Variants in DUS3L observed in about 807,000 individuals in gnomAD.
The protein encoded by DUS3L is tRNA-dihydrouridine(47) synthase [NAD(P)(+)]-like.
In DUS3L, 62 loss-of-function variants were observed where a neutral mutation model predicts 74.6. The ratio of observed to expected loss-of-function variants is 0.83; its 90% CI spans 0.68 to 1.03. The LOEUF is 1.03. Ranked by LOEUF, DUS3L falls within the 50% of genes least tolerant of loss-of-function variation. The probability of loss-of-function intolerance (pLI) is 0.00; values close to 1 mark genes in which losing one functional copy is unlikely to be tolerated. For missense variants in DUS3L, 884 were observed against 924.4 expected (o/e 0.96, Z 0.57); for synonymous variants, 433 against 395.7 (o/e 1.09, Z -1.12).
Position 5,790,472 on chromosome 19 carries a change from G to A in DUS3L, c.99-137C>T, listed in dbSNP as rs2056899234. 3.8e-6 allele frequency: 4 copies of A among 1,056,658 alleles called. No homozygotes were observed. In the Admixed American group the frequency reaches 1.0e-4, roughly 27 times the overall value. The allele number at this position is 1,056,658 out of a possible 1,614,324, so 65.5% of individuals were successfully genotyped here. On this transcript the variant is annotated intron_variant, in intron 1 of 12. Coordinates refer to ENST00000309061, the MANE Select transcript of DUS3L (RefSeq NM_020175.3). The stretch of plus-strand genomic sequence containing the variant: ...CTACTTAAGAACCAGCCAGCTCCCA[G>A]CCTGGGAGCCCCTCACGGCCTCAAA...
intron 1 of DUS3L, chr19:5,790,831 GCACGTGGTGTC>G: frequency 1.7e-6 from 1 of 604,898 alleles, no homozygotes; most frequent in Non-Finnish European, 2.9e-6. Context: ...GCCCTAGCAT[GCACGTGGTGTC>G]CTTCGCGCAT....
chr19:5,787,740 G>T, intron 5 of DUS3L, 35 bp from the exon 6 acceptor site: 1 of 1,603,430 alleles, frequency 6.2e-7, no homozygotes, highest in Non-Finnish European at 8.5e-7. Flanking sequence ...GGAGGGTGAG[G>T]GGAGAGTCCG....
Position 5,790,209 on chromosome 19 carries a change from G to C in DUS3L, c.225C>G (p.Ile75Met), listed in dbSNP as rs542377165. The stretch of plus-strand genomic sequence containing the variant: ...CCGCCGTCTGTCCATCCTCCAGTCG[G>C]ATCCGCTTAGCCTCAGGCTCAGCCA... ...NELAEPEAKR[I>M]RLEDGQTADG... Residue 75 changes from isoleucine to methionine, a missense_variant, in exon 2 of 13, where the codon ATC (isoleucine) becomes ATG (methionine). Transcript: ENST00000309061. 1 of 1,614,108 alleles carries C rather than the reference G, an allele frequency of 6.2e-7. No individual in the cohort carries two copies. The highest frequency in any genetic ancestry group is 1.1e-5 in the South Asian group (1 of 91,080).
rs769131502 is a variant in DUS3L, at chr19:5,787,379, G to A, written c.1213-18C>T. On this transcript the variant is annotated intron_variant, in intron 6 of 12. Transcript: ENST00000309061. ...CCCCCACCCTGGAAGAGACAGGCGGGTGGAGGGAGGGCAGGACGTGGGCTG... is the reference window on the plus strand; with the variant it reads ...CCCCCACCCTGGAAGAGACAGGCGGATGGAGGGAGGGCAGGACGTGGGCTG... 8 of 1,612,376 alleles carry A rather than the reference G, an allele frequency of 5.0e-6. No individual in the cohort carries two copies. The Admixed American group carries it at 1.3e-4, about 27-fold the overall frequency.
intron 1 of DUS3L, 148 bp from the exon 2 acceptor site, chr19:5,790,483 C>A (rs1447854967): frequency 1.1e-6 from 1 of 911,646 alleles, no homozygotes; most frequent in Non-Finnish European, 1.6e-6. Flanking sequence ...CCTGGGAGCC[C>A]CTCACGGCCT....
intron 5 of DUS3L, 117 bp downstream of exon 5, chr19:5,787,907 C>A: frequency 2.0e-6 from 3 of 1,491,876 alleles, no homozygotes; most frequent in South Asian, 1.2e-5. Flanking sequence ...GCATCACCCC[C>A]ACTCCACAGC....
Position 5,791,048 on chromosome 19 carries a change from G to C in DUS3L, c.94C>G (p.Arg32Gly), listed in dbSNP as rs1436618595. Reference protein sequence around the residue: ...ALERGVAPIKRQYLTTKEQFH... With the variant: ...ALERGVAPIKGQYLTTKEQFH... ...CCTCCTGCCCCGGCGACTCACTGAC[G>C]CTTAATGGGCGCCACTCCTCGTTCC... The change falls in exon 1 of 13, where the codon CGT becomes GGT. Residue 32 changes from arginine to glycine, a missense_variant. By Grantham distance (125) the Arg-to-Gly change is moderately radical. Coordinates refer to ENST00000309061, the MANE Select transcript of DUS3L (RefSeq NM_020175.3). 1.2e-6 allele frequency: 2 copies of C among 1,600,930 alleles called. No homozygotes were observed. The highest frequency in any genetic ancestry group is 2.7e-5 in the African/African-American group (2 of 74,768).
chr19:5,786,430 G>T, intron 10 of DUS3L, 37 bp downstream of exon 10: 1 of 1,602,630 alleles, frequency 6.2e-7, no homozygotes, highest in Non-Finnish European at 8.5e-7. Context: ...CTGCTGCTGT[G>T]CATGAAGCTG....
At chr19:5,786,643 C>T in intron 9 of DUS3L, 101 bp from the exon 10 acceptor site, 1 of 1,568,744 alleles carries the variant, frequency 6.4e-7, no homozygotes, top group Middle Eastern at 1.7e-4. Flanking sequence ...CCAGTGGCTC[C>T]CATCAGGGTG....
In DUS3L at chr19:5,787,374, G is replaced by A. The variant is rs768500368; in HGVS notation, c.1213-13C>T. 6.2e-7 allele frequency: 1 copy of A among 1,612,858 alleles called. No homozygotes were observed. The highest frequency in any genetic ancestry group is 8.5e-7 in the Non-Finnish European group (1 of 1,179,744). Reference sequence around the variant, plus strand: ...CACAGCCCCCACCCTGGAAGAGACAGGCGGGTGGAGGGAGGGCAGGACGTG... The same window carrying A: ...CACAGCCCCCACCCTGGAAGAGACAAGCGGGTGGAGGGAGGGCAGGACGTG... On this transcript the variant is annotated splice_polypyrimidine_tract_variant and intron_variant, in intron 6 of 12. Coordinates refer to ENST00000309061, the MANE Select transcript of DUS3L (RefSeq NM_020175.3).
rs767870547 is a variant in DUS3L at position 5,789,410 on chromosome 19, G to A, written c.697C>T (p.Arg233Cys). Residue 233 changes from arginine to cysteine, a missense_variant, in exon 3 of 13, where the codon CGC becomes TGC. Arg to Cys is a radical substitution (Grantham distance 180). Transcript: ENST00000309061. ...GGTGTGGGGCCCTGGCTGAACCGGC[G>A]CAGGGCCTGCTCAGCTCGCTCGAAG... ...VRFERAEQAL[R>C]RFSQGPTPAA... 119 of 1,594,832 alleles carry A rather than the reference G, an allele frequency of 7.5e-5. No homozygotes were observed. Among genetic ancestry groups the A allele is most frequent in the Middle Eastern group, 1.7e-4 (1 of 6,036 alleles).
chr19:5,789,874 G>A (rs1414797392), intron 2 of DUS3L, 155 bp from the exon 3 acceptor site: 1 of 1,301,446 alleles, frequency 7.7e-7, no homozygotes, highest in Non-Finnish European at 1.1e-6. Flanking sequence ...TATACAATGA[G>A]AACAATGACA....
At chr19:5,788,475 CCA>C (rs2056877201) in intron 3 of DUS3L, 77 bp from the exon 4 acceptor site, 14 of 1,536,364 alleles carry the variant, frequency 9.1e-6, no homozygotes, top group South Asian at 3.6e-5. Flanking sequence ...TCCCTTCTAC[CCA>C]CAGTCTAGGA....
chr19:5,787,326 C>T lies in DUS3L; in HGVS notation c.1248G>A (p.Lys416=), dbSNP rs1352083395. 1 of 1,240,134 alleles carries T rather than the reference C, an allele frequency of 8.1e-7. No homozygotes were observed. The highest frequency in any genetic ancestry group is 3.2e-5 in the African/African-American group (1 of 31,022). 76.8% of individuals were successfully genotyped at this position (1,240,134 alleles called of 1,614,324 possible). ...GGCALMNRST[K]FQQIVRGMNQ... Reference sequence around the variant, plus strand: ...TCATGCCACGGACGATCTGCTGGAACTTGGTGGAGCGATTCATGAGGGCAC... The same window carrying T: ...TCATGCCACGGACGATCTGCTGGAATTTGGTGGAGCGATTCATGAGGGCAC... The change falls in exon 7 of 13, where the codon AAG becomes AAA. Residue 416 remains lysine, a synonymous_variant. Coordinates refer to ENST00000309061, the MANE Select transcript of DUS3L (RefSeq NM_020175.3).
At position 5,786,781 on chromosome 19, in the gene DUS3L, C is replaced by T. The variant is rs201763995; in HGVS notation, c.1454G>A (p.Cys485Tyr). The T allele has an allele frequency of 1.7e-4, 277 of 1,612,248 alleles. No individual in the cohort carries two copies. Among genetic ancestry groups the T allele is most frequent in the Non-Finnish European group, 2.3e-4 (267 of 1,179,838 alleles). Residue 485 changes from cysteine to tyrosine, a missense_variant, in exon 9 of 13, where the codon TGC (cysteine) becomes TAC (tyrosine). Cys to Tyr is a radical substitution (Grantham distance 194, BLOSUM62 -2). Coordinates refer to ENST00000309061, the MANE Select transcript of DUS3L (RefSeq NM_020175.3). ...GGGCATGGGGCTGGCGGCCTGCACG[C>T]ACTCCTCGATGTACTGCCAGTCGGC... is the stretch of plus-strand genomic sequence containing the variant. Reference protein sequence around the residue: ...KLADWQYIEECVQAASPMPLF... With the variant: ...KLADWQYIEEYVQAASPMPLF...
intron 11 of DUS3L, 36 bp downstream of exon 11, chr19:5,785,567 C>T: frequency 6.4e-7 from 1 of 1,573,478 alleles, no homozygotes; most frequent in Non-Finnish European, 8.6e-7. Flanking sequence ...AGCCGCGGCC[C>T]ACGCGCCGCC....
chr19:5,791,142 C>A lies in DUS3L; in HGVS notation c.-1G>T. 6.2e-7 allele frequency: 1 copy of A among 1,603,350 alleles called. No homozygotes were observed. Among genetic ancestry groups the A allele is most frequent in the South Asian group, 1.1e-5 (1 of 88,940 alleles). ...GAGCCTCCGCCGTTCCCTCCGCCATCGGCGCCCCTCACATCCGCTCTGGAG... is the reference window on the plus strand; with the variant it reads ...GAGCCTCCGCCGTTCCCTCCGCCATAGGCGCCCCTCACATCCGCTCTGGAG... On this transcript the variant is annotated 5_prime_UTR_variant, in exon 1 of 13. Coordinates refer to ENST00000309061, the MANE Select transcript of DUS3L (RefSeq NM_020175.3).
intron 3 of DUS3L, 56 bp from the exon 4 acceptor site, chr19:5,788,454 G>A (rs2056876962): frequency 1.9e-6 from 3 of 1,573,598 alleles, no homozygotes; most frequent in Non-Finnish European, 2.6e-6. Context: ...AGCTGCTGAG[G>A]CCCTGGAGCC....
chr19:5,790,386 T>C (rs758153737), intron 1 of DUS3L, 51 bp from the exon 2 acceptor site: 6 of 1,604,160 alleles, frequency 3.7e-6, no homozygotes, highest in Non-Finnish European at 5.1e-6. Context: ...CAATAAACAC[T>C]GGGGAAAGGA....
Sources: gnomAD v4.1 joint callset for allele counts on GRCh38, gnomAD v4.1.1 for gene constraint, MANE v1.5 for transcripts, NCBI Gene and HGNC (gene_info 2026-07-23, HGNC 2026-07-21) for gene names.